The following PTPN14 variants were observed in gnomAD, a reference collection of about 807,000 sequenced individuals.
PTPN14 encodes protein tyrosine phosphatase non-receptor type 14, also known as tyrosine-protein phosphatase non-receptor type 14.
PTPN14 carries 53 observed loss-of-function variants against 126.8 expected under a neutral mutation model. The ratio of observed to expected loss-of-function variants is 0.42; its 90% confidence interval spans 0.34 to 0.53. The LOEUF (loss-of-function observed/expected upper bound fraction) is 0.53. Ranked by LOEUF, PTPN14 falls within the 20% of genes least tolerant of loss-of-function variation. PTPN14 has a pLI of 0.08. For missense variants in PTPN14, 1,257 were observed against 1,552.9 expected (o/e 0.81, Z 3.20); for synonymous variants, 630 against 599.3 (o/e 1.05, Z -0.75).
At chr1:214,496,039 CA>C (rs1654488386) in intron 1 of PTPN14, among the ~76,000 whole-genome samples, 2 of 152,134 alleles carry the variant, frequency 1.3e-5, no homozygotes, top group Non-Finnish European at 2.9e-5. Context: ...AGATAAACAA[CA>C]CTTCATGTTT....
intron 2 of PTPN14, among the ~76,000 whole-genome samples, chr1:214,460,956 C>G (rs4655254): frequency 0.83 from 125,943 of 151,932 alleles, 52,302 homozygotes; most frequent in African/African-American, 0.89. Flanking sequence ...CCGGACTCTG[C>G]ATGATAATGA....
chr1:214,364,803 GTGTTT>G lies in PTPN14; in HGVS notation c.3272-133_3272-129del, dbSNP rs1658043194. The G allele has an allele frequency of 4.8e-6, 4 of 825,852 alleles. No homozygotes were observed. In the African/African-American group the frequency reaches 5.3e-5, roughly 11 times the overall value. The allele number at this position is 825,852 out of a possible 1,614,324, so 51.2% of individuals were successfully genotyped here. A position where few individuals can be genotyped will look rare whatever the true frequency, so the allele number is the denominator to read the frequency against. ...TGTGTGTGTGTGTGTGTGTGTGTGT[GTGTTT>G]TAAGTGACAATAATTTATAGTTCTT... On this transcript the variant is annotated intron_variant, in intron 17 of 18. Coordinates refer to ENST00000366956, the MANE Select transcript of PTPN14 (RefSeq NM_005401.5). The surrounding 1 kb of genome is among the most constrained non-coding windows in gnomAD (Gnocchi z 4.1).
intron 1 of PTPN14, among the ~76,000 whole-genome samples, chr1:214,496,680 T>C (rs1654524917): frequency 6.6e-6 from 1 of 152,208 alleles, no homozygotes; most frequent in African/African-American, 2.4e-5. Context: ...AGAACACTAT[T>C]AGAAACTAAA....
At chr1:214,392,199 AGAGAGAGAGC>A (rs1658771059) in intron 10 of PTPN14, among the ~76,000 whole-genome samples, 1 of 152,066 alleles carries the variant, frequency 6.6e-6, no homozygotes, top group Non-Finnish European at 1.5e-5. Context: ...AGAGAAAGAG[AGAGAGAGAGC>A]GAGAGAGAGT....
intron 13 of PTPN14, among the ~76,000 whole-genome samples, chr1:214,381,962 T>A (rs1658482451): frequency 6.6e-6 from 1 of 152,146 alleles, no homozygotes; most frequent in Non-Finnish European, 1.5e-5. Context: ...TGGAGTGCAG[T>A]GGTGCCATCT....
intron 16 of PTPN14, chr1:214,372,426 G>A (rs1475905844): frequency 1.2e-4 from 43 of 350,680 alleles, no homozygotes; most frequent in Non-Finnish European, 1.2e-4. Flanking sequence ...GTCATTTTTG[G>A]TTTTCTGTTG....
chr1:214,504,076 T>C (rs749779771), intron 1 of PTPN14, among the ~76,000 whole-genome samples: 4 of 152,166 alleles, frequency 2.6e-5, no homozygotes, highest in Non-Finnish European at 5.9e-5. Flanking sequence ...GTCACCACTT[T>C]CCCATTCCTC....
intron 1 of PTPN14, among the ~76,000 whole-genome samples, chr1:214,494,750 T>C (rs953830565): frequency 6.6e-5 from 10 of 152,192 alleles, no homozygotes; most frequent in Non-Finnish European, 1.3e-4. Flanking sequence ...CTGATGTTTC[T>C]AAGACTGAGT....
chr1:214,513,334 G>A (rs1321477085), intron 1 of PTPN14, among the ~76,000 whole-genome samples: 4 of 151,972 alleles, frequency 2.6e-5, no homozygotes, highest in East Asian at 1.9e-4. Flanking sequence ...TTAAGACCCC[G>A]CTTACAATCT....
intron 3 of PTPN14, among the ~76,000 whole-genome samples, chr1:214,443,089 C>T (rs1274404367): frequency 6.6e-6 from 1 of 152,186 alleles, no homozygotes; most frequent in African/African-American, 2.4e-5. Context: ...TCCCAAAGTG[C>T]TGGGATTACA....
At chr1:214,518,719 A>G (rs2102453543) in intron 1 of PTPN14, among the ~76,000 whole-genome samples, 1 of 152,328 alleles carries the variant, frequency 6.6e-6, no homozygotes, top group Non-Finnish European at 1.5e-5. Context: ...TATTTGTGCT[A>G]CTTCTAAATA....
chr1:214,511,479 C>T (rs527568047), intron 1 of PTPN14, among the ~76,000 whole-genome samples: 1 of 143,340 alleles, frequency 7.0e-6, no homozygotes, highest in Admixed American at 7.3e-5. Flanking sequence ...CACAGGATGG[C>T]CCTTATCAAA....
intron 1 of PTPN14, among the ~76,000 whole-genome samples, chr1:214,494,420 A>G (rs1310895426): frequency 6.6e-6 from 1 of 152,094 alleles, no homozygotes; most frequent in East Asian, 1.9e-4. Flanking sequence ...CAGCCCTATC[A>G]CACAGGCTAA....
intron 3 of PTPN14, among the ~76,000 whole-genome samples, chr1:214,449,368 G>A (rs976223212): frequency 6.6e-6 from 1 of 152,118 alleles, no homozygotes; most frequent in Non-Finnish European, 1.5e-5. Context: ...TAACTTCTGA[G>A]TCCCTCTTTA....
intron 18 of PTPN14, among the ~76,000 whole-genome samples, chr1:214,358,980 G>C (rs1657889674): frequency 6.6e-6 from 1 of 151,866 alleles, no homozygotes; most frequent in Admixed American, 6.6e-5. Context: ...CTGACCTCTG[G>C]TGATCCGCCC....
chr1:214,383,503 C>G lies in PTPN14; in HGVS notation c.2352G>C (p.Gly784=). 2 of 1,614,164 alleles carry G rather than the reference C, an allele frequency of 1.2e-6. No individual in the cohort carries two copies. Among genetic ancestry groups the G allele is most frequent in the Non-Finnish European group, 8.5e-7 (1 of 1,180,034 alleles). The change falls in exon 13 of 19, where the codon GGG becomes GGC. Residue 784 remains glycine (G), a synonymous_variant. Transcript: ENST00000366956. This position sits in a 1 kb window ranked among gnomAD's most constrained non-coding sequence, Gnocchi z 4.4. ...AMARARVLRH[G]PAKAISMSRT... Reference sequence around the variant, plus strand: ...GAGACATGCTGATGGCCTTGGCTGGCCCATGCCTCAGCACCCTGGCTCTGG... The same window carrying G: ...GAGACATGCTGATGGCCTTGGCTGGGCCATGCCTCAGCACCCTGGCTCTGG...
chr1:214,369,717 G>A (rs1489084394), intron 16 of PTPN14, 26 bp from the exon 17 acceptor site: 1 of 1,588,142 alleles, frequency 6.3e-7, no homozygotes, highest in African/African-American at 1.3e-5. Context: ...AAGCAAAATT[G>A]GAAATAGGTC....
At chr1:214,479,745 T>G (rs534419308) in intron 1 of PTPN14, among the ~76,000 whole-genome samples, 151 of 152,346 alleles carry the variant, frequency 9.9e-4, no homozygotes, top group African/African-American at 3.5e-3. Flanking sequence ...TCAGTCGTTT[T>G]CTATTTTACC....
chr1:214,399,336 C>G (rs1225379869), intron 7 of PTPN14, among the ~76,000 whole-genome samples: 1 of 152,070 alleles, frequency 6.6e-6, no homozygotes, highest in African/African-American at 2.4e-5. Context: ...TATTTTTTTC[C>G]TTTTTTCTCA....
Sources: gnomAD v4.1 joint callset for allele counts (sites outside exome capture counted in the v4.1 genomes callset) on GRCh38, gnomAD v4.1.1 for gene constraint, Gnocchi (gnomAD v3.1) non-coding constraint, MANE v1.5 for transcripts, NCBI Gene and HGNC (gene_info 2026-07-23, HGNC 2026-07-21) for gene names.